The following DPP6 variants were observed in gnomAD, a reference collection of about 807,000 sequenced individuals.
DPP6 encodes the protein dipeptidyl peptidase like 6, also known as A-type potassium channel modulatory protein DPP6.
DPP6 carries 69 observed loss-of-function variants against 122.6 expected under a neutral mutation model. The ratio of observed to expected loss-of-function variants is 0.56; its 90% CI spans 0.46 to 0.69. The LOEUF (loss-of-function observed/expected upper bound fraction) is 0.69, where lower values mean the gene tolerates loss of function less well. DPP6 is among the 30% of genes least tolerant of loss of function. The pLI is 0.00. For missense variants in DPP6, 928 were observed against 1,116.9 expected (o/e 0.83, Z 2.41); for synonymous variants, 418 against 433.1 (o/e 0.97, Z 0.43).
At chr7:153,874,573 A>C in the DPP6 span, among the ~76,000 whole-genome samples, 1 of 151,946 alleles carries the variant, frequency 6.6e-6, no homozygotes, top group Middle Eastern at 3.2e-3. Flanking sequence ...ACAGCATTTC[A>C]CTGCGTTGGC....
chr7:154,525,074 A>G (rs966545953), intron 3 of DPP6, among the ~76,000 whole-genome samples: 1 of 152,210 alleles, frequency 6.6e-6, no homozygotes, highest in African/African-American at 2.4e-5. Context: ...TTTGAACAAT[A>G]AAGAAACATT....
intron 1 of DPP6, among the ~76,000 whole-genome samples, chr7:154,431,718 A>G (rs1818441555): frequency 6.6e-6 from 1 of 151,702 alleles, no homozygotes; most frequent in Non-Finnish European, 1.5e-5. Context: ...TATTTTTAGT[A>G]GAGACAGGGT....
intron 7 of DPP6, among the ~76,000 whole-genome samples, chr7:154,670,375 G>C (rs1021993568): frequency 7.2e-5 from 11 of 152,182 alleles, no homozygotes; most frequent in African/African-American, 2.7e-4. Flanking sequence ...CTAAGATGAG[G>C]GCTCCCACCC....
chr7:154,164,060 C>T (rs1254286237), intron 1 of DPP6, among the ~76,000 whole-genome samples: 8 of 152,096 alleles, frequency 5.3e-5, no homozygotes, highest in Admixed American at 1.3e-4. Flanking sequence ...TGCCTGGCCC[C>T]GCCAAACCTC....
intron 1 of DPP6, among the ~76,000 whole-genome samples, chr7:154,194,069 G>GA: frequency 6.6e-6 from 1 of 152,274 alleles, no homozygotes; most frequent in East Asian, 1.9e-4. Context: ...AAACTTCAGA[G>GA]AAAAACTGCC....
intron 1 of DPP6, among the ~76,000 whole-genome samples, chr7:153,914,266 C>CT (rs1175642913): frequency 6.6e-6 from 1 of 152,208 alleles, no homozygotes; most frequent in African/African-American, 2.4e-5. Flanking sequence ...ATTGTGAGCC[C>CT]TCCCCAGCCA....
At chr7:154,703,876 G>A (rs988554923) in intron 7 of DPP6, among the ~76,000 whole-genome samples, 1 of 152,102 alleles carries the variant, frequency 6.6e-6, no homozygotes, top group Admixed American at 6.5e-5. Context: ...GGCGGAGCTT[G>A]CAGTGAGCCA....
At chr7:154,394,732 T>C (rs1274388107) in intron 1 of DPP6, among the ~76,000 whole-genome samples, 2 of 152,210 alleles carry the variant, frequency 1.3e-5, no homozygotes, top group Admixed American at 6.5e-5. Flanking sequence ...AGATCTTACA[T>C]TTAGGTCTTT....
At chr7:153,943,512 G>A (rs527364521) in intron 1 of DPP6, among the ~76,000 whole-genome samples, 8 of 152,078 alleles carry the variant, frequency 5.3e-5, no homozygotes, top group Non-Finnish European at 1.0e-4. Context: ...AAGTAGGGAG[G>A]GCAGGGCTGG....
At chr7:154,444,897 G>C (rs1025583198) in intron 1 of DPP6, among the ~76,000 whole-genome samples, 1 of 152,152 alleles carries the variant, frequency 6.6e-6, no homozygotes, top group Non-Finnish European at 1.5e-5. Context: ...TACTTTTTAA[G>C]TTCTAAAAAG....
At chr7:154,501,026 G>T (rs1446661307) in intron 3 of DPP6, among the ~76,000 whole-genome samples, 1 of 152,218 alleles carries the variant, frequency 6.6e-6, no homozygotes, top group East Asian at 1.9e-4. Flanking sequence ...CTGCAGCAAA[G>T]ATGACTTTTG....
At chr7:153,852,441 T>C in the DPP6 span, among the ~76,000 whole-genome samples, 1 of 151,942 alleles carries the variant, frequency 6.6e-6, no homozygotes, top group African/African-American at 2.4e-5. Context: ...GGAGCTGCCA[T>C]ACACTTTTAA....
chr7:154,292,291 G>A lies in DPP6; in HGVS notation c.244-153923G>A, dbSNP rs79363078. Among the ~76,000 whole-genome samples the A allele has an allele frequency of 4.7e-3, 721 of 152,252 alleles. 9 individuals are homozygous for A. The highest frequency in any genetic ancestry group is 0.044 in the East Asian group (225 of 5,154). ...CCCCACAAGTTTCACCCTAGTGACT[G>A]TTCTCTGTCATCCCACGCAGGGTGG... On this transcript the variant is annotated intron_variant, in intron 1 of 25. Coordinates refer to ENST00000377770, the MANE Select transcript of DPP6 (RefSeq NM_130797.4).
At chr7:154,256,317 A>G (rs1281737551) in intron 1 of DPP6, among the ~76,000 whole-genome samples, 1 of 152,222 alleles carries the variant, frequency 6.6e-6, no homozygotes. Flanking sequence ...TAAGTACACC[A>G]TGCAGGGGCC....
At chr7:154,563,015 AT>A (rs1406907245) in intron 4 of DPP6, among the ~76,000 whole-genome samples, 1 of 152,206 alleles carries the variant, frequency 6.6e-6, no homozygotes, top group Non-Finnish European at 1.5e-5. Flanking sequence ...AGGTTAAAAA[AT>A]ATAAAATATG....
At chr7:153,923,676 G>C (rs910734196) in intron 1 of DPP6, among the ~76,000 whole-genome samples, 19 of 149,502 alleles carry the variant, frequency 1.3e-4, no homozygotes, top group Non-Finnish European at 2.4e-4. Context: ...CAGAAGAATG[G>C]CGTGAACCCA....
intron 1 of DPP6, among the ~76,000 whole-genome samples, chr7:154,386,461 G>A (rs547143623): frequency 6.6e-6 from 1 of 152,278 alleles, no homozygotes; most frequent in South Asian, 2.1e-4. Context: ...ATTCCTTGCA[G>A]TGGGGTGCTG....
At chr7:154,331,811 C>T (rs1254278980) in intron 1 of DPP6, among the ~76,000 whole-genome samples, 1 of 152,126 alleles carries the variant, frequency 6.6e-6, no homozygotes, top group Non-Finnish European at 1.5e-5. Flanking sequence ...TTTTCAGGGT[C>T]GTAAAAACAC....
chr7:154,408,238 C>A (rs533179038), intron 1 of DPP6, among the ~76,000 whole-genome samples: 1 of 152,002 alleles, frequency 6.6e-6, no homozygotes, highest in South Asian at 2.1e-4. Flanking sequence ...CATTTATTTT[C>A]AAAAATAAAG....
Sources: gnomAD v4.1 joint callset for allele counts (sites outside exome capture counted in the v4.1 genomes callset) on GRCh38, gnomAD v4.1.1 for gene constraint, MANE v1.5 for transcripts, NCBI Gene and HGNC (gene_info 2026-07-23, HGNC 2026-07-21) for gene names.